MACROD2: variants seen among roughly 807,000 people sequenced by gnomAD.
MACROD2 encodes ADP-ribose glycohydrolase MACROD2.
Under a neutral mutation model 70.4 loss-of-function variants are expected in MACROD2, and 36 were observed. That is an observed-to-expected ratio of 0.51 (90% CI 0.39 to 0.68). The LOEUF is 0.68. Among genes scored for constraint, MACROD2 ranks in the 30% least tolerant of loss-of-function variants. MACROD2 has a pLI of 0.00. For missense variants in MACROD2, 496 were observed against 538.4 expected, an observed-to-expected ratio of 0.92 and a Z score of 0.78; for synonymous variants, 172 against 178.8, an observed-to-expected ratio of 0.96 and a Z score of 0.30.
chr20:14,615,730 G>A (rs1210794831), intron 4 of MACROD2, among the ~76,000 whole-genome samples: 1 of 152,086 alleles, frequency 6.6e-6, no homozygotes, highest in African/African-American at 2.4e-5. Context: ...GCAATATGGA[G>A]ACATAGGTGG....
At chr20:14,999,812 G>T (rs779149125) in intron 5 of MACROD2, among the ~76,000 whole-genome samples, 4 of 152,118 alleles carry the variant, frequency 2.6e-5, no homozygotes, top group Admixed American at 1.3e-4. Flanking sequence ...GGTAACCTCA[G>T]ATTAAATGTT....
intron 8 of MACROD2, among the ~76,000 whole-genome samples, chr20:15,789,389 T>A (rs2051983564): frequency 6.6e-6 from 1 of 152,166 alleles, no homozygotes. Context: ...ATGACCCAGC[T>A]GGTCAACATT....
chr20:14,326,451 C>T lies in MACROD2; in HGVS notation c.272-167028C>T. On this transcript the variant is annotated intron_variant, in intron 3 of 17. Coordinates refer to ENST00000684519, the MANE Select transcript of MACROD2 (RefSeq NM_001351661.2). This position sits in a 1 kb window ranked among gnomAD's most constrained non-coding sequence, Gnocchi z 5.5. ...CAATCCCACTGTCCTTACAATCAAACAGTTCTGCATTGAGATCCTTAATAG... is the reference window on the plus strand; with the variant it reads ...CAATCCCACTGTCCTTACAATCAAATAGTTCTGCATTGAGATCCTTAATAG... 6.2e-7 allele frequency: 1 copy of T among 1,613,874 alleles called. No homozygotes were observed. Among genetic ancestry groups the T allele is most frequent in the South Asian group, 1.1e-5 (1 of 91,082 alleles).
chr20:14,168,984 C>A (rs531463767), intron 3 of MACROD2, among the ~76,000 whole-genome samples: 15 of 152,298 alleles, frequency 9.8e-5, no homozygotes, highest in African/African-American at 3.1e-4. Context: ...ACTTCAACAG[C>A]ATATCAGAAA....
At chr20:14,121,249 G>A (rs994360070) in intron 3 of MACROD2, among the ~76,000 whole-genome samples, 1 of 152,136 alleles carries the variant, frequency 6.6e-6, no homozygotes, top group African/African-American at 2.4e-5. Flanking sequence ...GAAAGGAACT[G>A]AAGGATAATC....
At chr20:15,405,063 T>C (rs1218157293) in intron 6 of MACROD2, among the ~76,000 whole-genome samples, 1 of 152,152 alleles carries the variant, frequency 6.6e-6, no homozygotes, top group Non-Finnish European at 1.5e-5. Flanking sequence ...TACATTTATA[T>C]AAAATGTCCA....
intron 1 of MACROD2, among the ~76,000 whole-genome samples, chr20:14,000,324 T>C (rs990238431): frequency 6.6e-6 from 1 of 152,224 alleles, no homozygotes; most frequent in Admixed American, 6.5e-5. Flanking sequence ...AGATACCTTT[T>C]TTTTTTGTCT....
chr20:14,311,265 T>C (rs890229350), intron 3 of MACROD2, among the ~76,000 whole-genome samples: 28 of 152,192 alleles, frequency 1.8e-4, no homozygotes, highest in African/African-American at 6.3e-4. Flanking sequence ...TAATGTACCT[T>C]TTCTATGTTT....
intron 12 of MACROD2, among the ~76,000 whole-genome samples, chr20:15,963,631 G>C (rs1250636740): frequency 6.6e-6 from 1 of 150,430 alleles, no homozygotes; most frequent in Non-Finnish European, 1.5e-5. Flanking sequence ...CTCAAAACTG[G>C]TCTGGAAAAT....
intron 5 of MACROD2, among the ~76,000 whole-genome samples, chr20:14,867,429 T>C (rs191190802): frequency 1.1e-3 from 171 of 152,222 alleles, no homozygotes; most frequent in African/African-American, 4.0e-3. Flanking sequence ...GAATTTTTTT[T>C]CTAGTACACT....
At chr20:15,069,552 C>T (rs2075602848) in intron 5 of MACROD2, among the ~76,000 whole-genome samples, 1 of 152,204 alleles carries the variant, frequency 6.6e-6, no homozygotes, top group Admixed American at 6.5e-5. Context: ...GGGGCCAGGC[C>T]CAAGGCTCCA....
intron 6 of MACROD2, among the ~76,000 whole-genome samples, chr20:15,413,515 T>C (rs449202): frequency 0.93 from 142,142 of 152,220 alleles, 66,815 homozygotes; most frequent in Middle Eastern, 0.97. Context: ...TAGAGGAGGA[T>C]GAAGGAAGGA....
chr20:14,978,857 A>T (rs1043869712), intron 5 of MACROD2, among the ~76,000 whole-genome samples: 115 of 134,638 alleles, frequency 8.5e-4, no homozygotes, highest in Middle Eastern at 3.6e-3. Context: ...TATTATATAT[A>T]TATATAATAT....
intron 6 of MACROD2, among the ~76,000 whole-genome samples, chr20:15,348,874 G>A (rs2078196287): frequency 6.6e-6 from 1 of 152,118 alleles, no homozygotes; most frequent in Admixed American, 6.5e-5. Flanking sequence ...CGGGGTCACA[G>A]CCAAACAATA....
chr20:15,573,879 C>G (rs2048409233), intron 8 of MACROD2, among the ~76,000 whole-genome samples: 1 of 152,216 alleles, frequency 6.6e-6, no homozygotes, highest in South Asian at 2.1e-4. Context: ...TTTCACTCTC[C>G]CACCTGATTC....
At chr20:14,525,181 A>G (rs1322300550) in intron 4 of MACROD2, among the ~76,000 whole-genome samples, 2 of 152,208 alleles carry the variant, frequency 1.3e-5, no homozygotes, top group African/African-American at 2.4e-5. Context: ...ATTCTTATCT[A>G]TCAGTCTAAT....
chr20:15,429,169 A>AT (rs1162846246), intron 6 of MACROD2, among the ~76,000 whole-genome samples: 1 of 152,138 alleles, frequency 6.6e-6, no homozygotes, highest in Non-Finnish European at 1.5e-5. Context: ...AGTAACGCCT[A>AT]TTGATAGTGT....
chr20:14,882,227 A>G (rs1051876711), intron 5 of MACROD2, among the ~76,000 whole-genome samples: 3 of 152,158 alleles, frequency 2.0e-5, no homozygotes, highest in African/African-American at 7.2e-5. Flanking sequence ...CATGGCAAAC[A>G]TTGTCAATAT....
intron 3 of MACROD2, among the ~76,000 whole-genome samples, chr20:14,319,780 C>T (rs1055859936): frequency 2.1e-4 from 32 of 152,146 alleles, no homozygotes; most frequent in African/African-American, 7.0e-4. Context: ...GCAATCCCCC[C>T]CTTTTTGTTT....
Sources: gnomAD v4.1 joint callset for allele counts (sites outside exome capture counted in the v4.1 genomes callset) on GRCh38, gnomAD v4.1.1 for gene constraint, Gnocchi (gnomAD v3.1) non-coding constraint, MANE v1.5 for transcripts, NCBI Gene and HGNC (gene_info 2026-07-23, HGNC 2026-07-21) for gene names.